The following DNM3 variants were observed in gnomAD, a reference collection of about 807,000 sequenced individuals.
DNM3 encodes the protein dynamin 3.
In DNM3, 47 loss-of-function variants were observed where a neutral mutation model predicts 101.6. The observed-to-expected ratio is 0.46, with a 90% confidence interval of 0.37 to 0.59. The LOEUF is 0.59. DNM3 is among the 20% of genes least tolerant of loss of function. The pLI is 0.00. For synonymous variants in DNM3, 385 were observed against 387.9 expected (o/e 0.99, Z 0.09); for missense variants, 849 against 1,085.7 (o/e 0.78, Z 3.06).
intron 14 of DNM3, among the ~76,000 whole-genome samples, chr1:172,223,536 A>G (rs116105464): frequency 0.011 from 1,742 of 152,026 alleles, 37 homozygotes; most frequent in African/African-American, 0.039. Context: ...CCATTACTCC[A>G]TCTCCTCTTG....
At chr1:172,259,222 T>C (rs1291392379) in intron 15 of DNM3, among the ~76,000 whole-genome samples, 4 of 152,124 alleles carry the variant, frequency 2.6e-5, no homozygotes, top group Non-Finnish European at 5.9e-5. Flanking sequence ...GTTTATTCTT[T>C]AGCTGTTGGA....
intron 1 of DNM3, among the ~76,000 whole-genome samples, chr1:171,858,607 C>T (rs2033855975): frequency 6.6e-6 from 1 of 152,174 alleles, no homozygotes. Context: ...CTAAGCTCCA[C>T]TAATGGAGGC....
At position 172,407,893 on chromosome 1, in the gene DNM3, A is replaced by T; in HGVS notation, c.*52A>T. The T allele has an allele frequency of 6.2e-7, 1 of 1,611,802 alleles. No individual in the cohort carries two copies. The highest frequency in any genetic ancestry group is 1.1e-5 in the South Asian group (1 of 90,982). ...CACTAATGAATTATGCGAAAGCAAC[A>T]TATTTGATAACCGTTGCAGTAAATC... On this transcript the variant is annotated 3_prime_UTR_variant, in exon 21 of 21. Coordinates refer to ENST00000627582, the MANE Select transcript of DNM3 (RefSeq NM_015569.5).
intron 15 of DNM3, among the ~76,000 whole-genome samples, chr1:172,280,876 A>G (rs1465577140): frequency 1.3e-5 from 2 of 152,196 alleles, no homozygotes; most frequent in African/African-American, 2.4e-5. Context: ...CCAAGCATCA[A>G]TAATTAAGTT....
intron 14 of DNM3, among the ~76,000 whole-genome samples, chr1:172,243,872 TTTA>T (rs949547808): frequency 2.0e-4 from 30 of 152,180 alleles, no homozygotes; most frequent in African/African-American, 6.3e-4. Context: ...CTTCTTTTTT[TTTA>T]TTATTATACT....
chr1:171,907,447 C>T (rs1370786875), intron 1 of DNM3, among the ~76,000 whole-genome samples: 4 of 151,584 alleles, frequency 2.6e-5, no homozygotes, highest in East Asian at 1.9e-4. Context: ...GCCAAGATTG[C>T]GCCATTGCAC....
At chr1:172,169,121 T>A (rs2058855554) in intron 14 of DNM3, among the ~76,000 whole-genome samples, 1 of 151,912 alleles carries the variant, frequency 6.6e-6, no homozygotes, top group South Asian at 2.1e-4. Flanking sequence ...GCAATTTTTT[T>A]TATAAGACAG....
intron 1 of DNM3, among the ~76,000 whole-genome samples, chr1:171,852,736 A>G (rs1458216829): frequency 6.6e-6 from 1 of 152,248 alleles, no homozygotes; most frequent in Non-Finnish European, 1.5e-5. Context: ...AGACTGTTCA[A>G]TAGAACACTT....
At chr1:171,913,111 C>A (rs977538350) in intron 1 of DNM3, among the ~76,000 whole-genome samples, 1 of 152,120 alleles carries the variant, frequency 6.6e-6, no homozygotes, top group Non-Finnish European at 1.5e-5. Context: ...GAACTGACTT[C>A]TTTGTTCAGT....
chr1:172,176,332 C>G (rs1350118846), intron 14 of DNM3, among the ~76,000 whole-genome samples: 1 of 151,784 alleles, frequency 6.6e-6, no homozygotes, highest in East Asian at 1.9e-4. Context: ...AACATTTTCC[C>G]CTAGAGCTGG....
At chr1:172,094,768 CAACAA>C (rs1445616221) in intron 13 of DNM3, among the ~76,000 whole-genome samples, 1 of 152,110 alleles carries the variant, frequency 6.6e-6, no homozygotes, top group African/African-American at 2.4e-5. Flanking sequence ...AAAATGAGAA[CAACAA>C]AACACTTGGG....
chr1:172,225,435 G>A (rs1005261239), intron 14 of DNM3, among the ~76,000 whole-genome samples: 18 of 151,794 alleles, frequency 1.2e-4, no homozygotes, highest in South Asian at 8.3e-4. Flanking sequence ...GTACCCGACC[G>A]TCCCTCCTTC....
intron 12 of DNM3, among the ~76,000 whole-genome samples, chr1:172,088,103 A>G (rs999001407): frequency 3.7e-4 from 57 of 152,356 alleles, no homozygotes; most frequent in African/African-American, 1.3e-3. Flanking sequence ...AGATACTACC[A>G]TAAACCCTCT....
chr1:172,249,724 A>C (rs1052969360), intron 14 of DNM3, among the ~76,000 whole-genome samples: 1 of 152,118 alleles, frequency 6.6e-6, no homozygotes. Flanking sequence ...ATGTCTACTC[A>C]AGATAAAATG....
intron 10 of DNM3, among the ~76,000 whole-genome samples, chr1:172,052,668 C>G (rs2050290289): frequency 1.3e-5 from 2 of 152,154 alleles, no homozygotes; most frequent in Admixed American, 1.3e-4. Context: ...GCACTCCTCT[C>G]TCATGGGTTC....
chr1:171,905,797 G>A (rs1327436443), intron 1 of DNM3, among the ~76,000 whole-genome samples: 1 of 152,068 alleles, frequency 6.6e-6, no homozygotes, highest in African/African-American at 2.4e-5. Flanking sequence ...TGGACAGATG[G>A]GAAAATCATC....
intron 14 of DNM3, among the ~76,000 whole-genome samples, chr1:172,170,892 T>G (rs1355821456): frequency 6.6e-6 from 1 of 151,818 alleles, no homozygotes; most frequent in Non-Finnish European, 1.5e-5. Flanking sequence ...CAACTCTGTC[T>G]TCATTTTATA....
intron 14 of DNM3, among the ~76,000 whole-genome samples, chr1:172,206,350 A>T (rs1033599385): frequency 6.6e-6 from 1 of 152,158 alleles, no homozygotes; most frequent in Non-Finnish European, 1.5e-5. Flanking sequence ...AACTCAAACA[A>T]TCACACAAGT....
At chr1:171,859,308 A>G (rs2033938221) in intron 1 of DNM3, among the ~76,000 whole-genome samples, 1 of 151,980 alleles carries the variant, frequency 6.6e-6, no homozygotes, top group South Asian at 2.1e-4. Flanking sequence ...CATGTCTCCT[A>G]GGTTTCTTGT....
Sources: gnomAD v4.1 joint callset for allele counts (sites outside exome capture counted in the v4.1 genomes callset) on GRCh38, gnomAD v4.1.1 for gene constraint, MANE v1.5 for transcripts, NCBI Gene and HGNC (gene_info 2026-07-23, HGNC 2026-07-21) for gene names.